Variants in ADAM17 observed in about 807,000 individuals in gnomAD.
ADAM17 encodes the protein ADAM metallopeptidase domain 17, also known as disintegrin and metalloproteinase domain-containing protein 17.
A neutral mutation model predicts 96.7 loss-of-function variants in ADAM17; 39 were observed. The ratio of observed to expected loss-of-function variants is 0.40; its 90% CI spans 0.31 to 0.53. The LOEUF is 0.53. ADAM17 is among the 20% of genes least tolerant of loss of function. The probability of loss-of-function intolerance (pLI) is 0.44; values close to 1 mark genes in which losing one functional copy is unlikely to be tolerated. For synonymous variants in ADAM17, 344 were observed against 359.2 expected, an observed-to-expected ratio of 0.96 and a Z score of 0.48; for missense variants, 777 against 1,013.2, an observed-to-expected ratio of 0.77 and a Z score of 3.17.
At chr2:9,521,048 T>C (rs1443046500) in intron 8 of ADAM17, among the ~76,000 whole-genome samples, 155 bp downstream of exon 8, 11 of 151,678 alleles carry the variant, frequency 7.3e-5, no homozygotes, top group Admixed American at 7.2e-4. Flanking sequence ...TTGTCTATGC[T>C]GCTACATGGG....
At chr2:9,522,295 A>C (rs1664348118) in intron 7 of ADAM17, 1 of 478,696 alleles carries the variant, frequency 2.1e-6, no homozygotes, top group Non-Finnish European at 3.8e-6. Flanking sequence ...CTATACCTGC[A>C]TACGACATCT....
At chr2:9,524,667 T>C (rs1664447236) in intron 6 of ADAM17, among the ~76,000 whole-genome samples, 1 of 152,162 alleles carries the variant, frequency 6.6e-6, no homozygotes, top group African/African-American at 2.4e-5. Context: ...GGCAGACAAC[T>C]GCCAACCCTA....
At chr2:9,491,278 G>C in intron 17 of ADAM17, 127 bp from the exon 18 acceptor site, 1 of 766,384 alleles carries the variant, frequency 1.3e-6, no homozygotes, top group South Asian at 1.9e-5. Context: ...AGTGATAGCA[G>C]GCTCAACAGA....
chr2:9,542,262 A>G (rs992426297), intron 2 of ADAM17, among the ~76,000 whole-genome samples: 6 of 152,120 alleles, frequency 3.9e-5, no homozygotes, highest in African/African-American at 1.4e-4. Context: ...AATTTGGGCC[A>G]GGCATGGTGG....
At chr2:9,511,496 T>C (rs981189120) in intron 10 of ADAM17, among the ~76,000 whole-genome samples, 1 of 152,116 alleles carries the variant, frequency 6.6e-6, no homozygotes, top group African/African-American at 2.4e-5. Flanking sequence ...AAACAATGTT[T>C]TATTTTCTCA....
At chr2:9,544,824 CAAAA>C (rs895038310) in intron 1 of ADAM17, among the ~76,000 whole-genome samples, 1 of 151,392 alleles carries the variant, frequency 6.6e-6, no homozygotes, top group Non-Finnish European at 1.5e-5. Context: ...GACTCCATCT[CAAAA>C]GAAGAAAAAA....
intron 10 of ADAM17, among the ~76,000 whole-genome samples, chr2:9,516,049 A>C (rs1215574672): frequency 2.0e-5 from 3 of 152,178 alleles, no homozygotes; most frequent in Non-Finnish European, 2.9e-5. Context: ...GACTACAGGC[A>C]TGTACCCCTA....
intron 1 of ADAM17, among the ~76,000 whole-genome samples, chr2:9,550,439 C>CTTTTTTTTTTTTTTTTTTT (rs35602755): frequency 1.3e-5 from 1 of 74,164 alleles, no homozygotes; most frequent in East Asian, 3.1e-4. Flanking sequence ...GATACTCATT[C>CTTTTTTTTTTTTTTTTTTT]TTTTTTTTTT....
In ADAM17 at chr2:9,490,392, G is replaced by C. The variant is rs1454112085; in HGVS notation, c.2260C>G (p.Leu754Val). Residue 754 changes from leucine to valine, a missense_variant, in exon 19 of 19, where the codon CTG (leucine) becomes GTG (valine). Leu to Val is a conservative substitution (Grantham distance 32). Coordinates refer to ENST00000310823, the MANE Select transcript of ADAM17 (RefSeq NM_003183.6). The stretch of plus-strand genomic sequence containing the variant: ...ATGGTGTCCATTCTCTGGTGGTCCA[G>C]TTTTGGAGCTGCTGGCGCCGAAGGG... ...VIPSAPAAPK[L>V]DHQRMDTIQE... is the part of the protein sequence containing the mutation. 2 of 1,614,194 alleles carry C rather than the reference G, an allele frequency of 1.2e-6. No individual in the cohort carries two copies. The highest frequency in any genetic ancestry group is 2.2e-5 in the South Asian group (2 of 91,082).
chr2:9,552,104 C>T (rs1349677480), intron 1 of ADAM17, among the ~76,000 whole-genome samples: 2 of 152,154 alleles, frequency 1.3e-5, no homozygotes, highest in Admixed American at 6.5e-5. Flanking sequence ...ATTTCACTTC[C>T]GTTACCTCAA....
intron 4 of ADAM17, among the ~76,000 whole-genome samples, 190 bp from the exon 5 acceptor site, chr2:9,528,144 CATAGATT>C (rs1664599885): frequency 6.7e-6 from 1 of 150,112 alleles, no homozygotes; most frequent in African/African-American, 2.5e-5. Context: ...AAAGTAAATA[CATAGATT>C]ATAAACTCTG....
In ADAM17 at chr2:9,502,325, A is replaced by C. The variant is rs774227560; in HGVS notation, c.1545-49T>G. 12 of 1,485,242 alleles carry C rather than the reference A, an allele frequency of 8.1e-6. No homozygotes were observed. In the Admixed American group the frequency reaches 2.0e-4, roughly 25 times the overall value. The allele number at this position is 1,485,242 out of a possible 1,614,324, so 92.0% of individuals were successfully genotyped here. ...ACAGAGCAATTCAAATTATGGCCCC[A>C]TATCAAATCAAACGCTACAGTTACG... On this transcript the variant is annotated intron_variant, in intron 12 of 18. Transcript: ENST00000310823.
intron 17 of ADAM17, among the ~76,000 whole-genome samples, chr2:9,492,117 A>AG (rs1171643588): frequency 3.3e-5 from 5 of 152,226 alleles, no homozygotes; most frequent in Non-Finnish European, 5.9e-5. Flanking sequence ...AGGAGGCAGT[A>AG]GGAAAAACTC....
At chr2:9,522,960 A>AG (rs1664372518) in intron 7 of ADAM17, among the ~76,000 whole-genome samples, 1 of 152,140 alleles carries the variant, frequency 6.6e-6, no homozygotes, top group Admixed American at 6.6e-5. Flanking sequence ...GCATAATCGG[A>AG]GGGGGGAAGA....
At chr2:9,529,798 C>T (rs1401610809) in intron 4 of ADAM17, among the ~76,000 whole-genome samples, 1 of 151,918 alleles carries the variant, frequency 6.6e-6, no homozygotes, top group Non-Finnish European at 1.5e-5. Flanking sequence ...ACGGTGAAAC[C>T]CCATCTCTAC....
At chr2:9,536,624 G>A (rs1294897416) in intron 3 of ADAM17, 74 bp downstream of exon 3, 1 of 1,583,426 alleles carries the variant, frequency 6.3e-7, no homozygotes, top group Admixed American at 1.8e-5. Context: ...CACCAGAAAA[G>A]AATATGCAAT....
chr2:9,546,097 C>CA (rs34936940), intron 1 of ADAM17, among the ~76,000 whole-genome samples: 19,385 of 87,756 alleles, frequency 0.22, 1,436 homozygotes, highest in Non-Finnish European at 0.24. Flanking sequence ...GACCCAGTCT[C>CA]AAAAAAAAAA....
chr2:9,511,838 G>C (rs1007621034), intron 10 of ADAM17, among the ~76,000 whole-genome samples: 1 of 151,978 alleles, frequency 6.6e-6, no homozygotes, highest in Non-Finnish European at 1.5e-5. Flanking sequence ...AGGCATTGTG[G>C]TGGGCGCCTG....
At position 9,555,558 on chromosome 2, in the gene ADAM17, C is replaced by CA. The variant is rs763323613; in HGVS notation, c.47dup (p.Ala17GlyfsTer7). On this transcript the variant is annotated frameshift_variant, in exon 1 of 19. Transcript: ENST00000310823. LOFTEE classifies it high-confidence loss of function. ...CCGGGTCATCCGGAGGTCGCGGCGC[C>CA]AGCACGAAAGGAACCACGCTGGTCA... 1 of 1,603,040 alleles carries CA rather than the reference C, an allele frequency of 6.2e-7. No individual in the cohort carries two copies. The highest frequency in any genetic ancestry group is 2.3e-5 in the East Asian group (1 of 44,410).
Sources: allele counts gnomAD v4.1 joint callset (sites outside exome capture counted in the v4.1 genomes callset), GRCh38; gene constraint gnomAD v4.1.1; transcripts MANE v1.5; gene names NCBI Gene and HGNC (gene_info 2026-07-23, HGNC 2026-07-21).